The following NOD1 variants were observed in gnomAD, a reference collection of about 807,000 sequenced individuals.
NOD1 encodes the protein nucleotide binding oligomerization domain containing 1.
NOD1 carries 70 observed loss-of-function variants against 81.2 expected under a neutral mutation model. The observed-to-expected ratio is 0.86, with a 90% CI of 0.71 to 1.05. The LOEUF (loss-of-function observed/expected upper bound fraction) is 1.05. Among genes scored for constraint, NOD1 ranks in the 50% least tolerant of loss-of-function variants. The probability of loss-of-function intolerance (pLI) is 0.00; values close to 1 mark genes in which losing one functional copy is unlikely to be tolerated. For synonymous variants in NOD1, 508 were observed against 526.9 expected (o/e 0.96, Z 0.49); for missense variants, 1,233 against 1,228.0 (o/e 1.00, Z -0.06).
intron 9 of NOD1, 37 bp from the exon 10 acceptor site, chr7:30,437,693 C>T: frequency 7.0e-7 from 1 of 1,423,632 alleles, no homozygotes; most frequent in African/African-American, 1.5e-5. Flanking sequence ...GTTAGCTCCC[C>T]AAGAAACAGC....
intron 13 of NOD1, chr7:30,428,715 A>C (rs1250693881): frequency 6.6e-6 from 1 of 152,024 alleles, no homozygotes; most frequent in East Asian, 1.9e-4. Flanking sequence ...TCATGAAAGG[A>C]GGACATAGTT....
rs562772780 is a variant in NOD1 at position 30,437,658 on chromosome 7, T to TGAGGGAGGAGACAAGATAGTGAATG, written c.2454-27_2454-3dup. ...TCCCCAACTTGATTGCCCCACATCC[T>TGAGGGAGGAGACAAGATAGTGAATG]GAGGGAGGAGACAAGATAGTGAATG... On this transcript the variant is annotated splice_polypyrimidine_tract_variant and splice_region_variant and intron_variant, in intron 9 of 13. Transcript: ENST00000222823. 6.8e-5 allele frequency: 103 copies of TGAGGGAGGAGACAAGATAGTGAATG among 1,513,082 alleles called. No homozygotes were observed. In the Admixed American group the frequency reaches 9.6e-4, roughly 14 times the overall value. 93.7% of individuals were successfully genotyped at this position (1,513,082 alleles called of 1,614,324 possible).
chr7:30,424,846 CCAGA>C lies in NOD1; in HGVS notation c.*788_*791del, dbSNP rs1325486114. ...GGGACAGAATCACTTCTTCCCAAGG[CCAGA>C]CACTGTAGCCCATGGTACTCAGCCT... is the stretch of plus-strand genomic sequence containing the variant. On this transcript the variant is annotated 3_prime_UTR_variant, in exon 14 of 14. Transcript: ENST00000222823. 1 of 152,200 alleles carries C rather than the reference CCAGA, an allele frequency of 6.6e-6. No homozygotes were observed. Among genetic ancestry groups the C allele is most frequent in the African/African-American group, 2.4e-5 (1 of 41,422 alleles). 9.4% of individuals were successfully genotyped at this position (152,200 alleles called of 1,614,324 possible).
chr7:30,447,303 A>C, intron 7 of NOD1: 1 of 531,020 alleles, frequency 1.9e-6, no homozygotes, highest in East Asian at 3.7e-5. Flanking sequence ...TGTAATACAG[A>C]GGTAATGATG....
At chr7:30,477,738 C>G (rs1788937894) in intron 1 of NOD1, among the ~76,000 whole-genome samples, 1 of 148,178 alleles carries the variant, frequency 6.7e-6, no homozygotes, top group African/African-American at 2.5e-5. Flanking sequence ...CCAGGCTGGT[C>G]TCGAACTCTC....
intron 13 of NOD1, among the ~76,000 whole-genome samples, chr7:30,426,343 T>C (rs1014879915): frequency 2.0e-5 from 3 of 151,840 alleles, no homozygotes; most frequent in African/African-American, 7.3e-5. Context: ...GTTAGTAACC[T>C]GGGGGTCAAC....
intron 1 of NOD1, among the ~76,000 whole-genome samples, chr7:30,466,767 A>T (rs982243013): frequency 1.3e-5 from 2 of 152,234 alleles, no homozygotes; most frequent in African/African-American, 4.8e-5. Context: ...TTCAGATACT[A>T]TAACTATTTA....
chr7:30,478,475 C>T lies in NOD1; in HGVS notation c.-352+131G>A, dbSNP rs946546624. The T allele has an allele frequency of 6.6e-6, 1 of 152,372 alleles. No individual in the cohort carries two copies. Among genetic ancestry groups the T allele is most frequent in the African/African-American group, 2.4e-5 (1 of 41,454 alleles). The allele number at this position is 152,372 out of a possible 1,614,324, so 9.4% of individuals were successfully genotyped here. The stretch of plus-strand genomic sequence containing the variant: ...CGCGGGTTTCTCCGCTTGGTTCCAC[C>T]CAGAGCTCCTCCAGAGCCGCGCTGC... On this transcript the variant is annotated intron_variant, in intron 1 of 13. Transcript: ENST00000222823. The surrounding 1 kb of genome is among the most constrained non-coding windows in gnomAD (Gnocchi z 4.1).
intron 13 of NOD1, among the ~76,000 whole-genome samples, chr7:30,426,783 C>A (rs1275192539): frequency 6.6e-6 from 1 of 152,102 alleles, no homozygotes; most frequent in East Asian, 1.9e-4. Context: ...GCAGTTCTTC[C>A]AGGACACCAC....
At chr7:30,455,889 A>T (rs1414301315) in intron 4 of NOD1, among the ~76,000 whole-genome samples, 2 of 152,212 alleles carry the variant, frequency 1.3e-5, no homozygotes, top group Non-Finnish European at 1.5e-5. Context: ...GGCGTGAGCC[A>T]CGGTGCCCAG....
In NOD1 at chr7:30,463,030, G is replaced by A. The variant is rs151114173; in HGVS notation, c.-351-2989C>T. On this transcript the variant is annotated intron_variant, in intron 1 of 13. Transcript: ENST00000222823. ...CAGATCAATGGTTTCCTGAGGCAGG[G>A]GGCAGATGGGAGTGGGGGAGAAATT... is the stretch of plus-strand genomic sequence containing the variant. Among the ~76,000 whole-genome samples, 14 of 151,908 alleles carry A rather than the reference G, an allele frequency of 9.2e-5. No homozygotes were observed. In the East Asian group the frequency reaches 1.9e-3, roughly 21 times the overall value.
At chr7:30,431,108 G>A (rs1039290283) in intron 12 of NOD1, among the ~76,000 whole-genome samples, 7 of 152,176 alleles carry the variant, frequency 4.6e-5, no homozygotes, top group African/African-American at 1.2e-4. Context: ...CCACCCACTC[G>A]GGCTGCCTTC....
At position 30,459,212 on chromosome 7, in the gene NOD1, A is replaced by G. The variant is rs1489133463; in HGVS notation, c.-182T>C. On this transcript the variant is annotated 5_prime_UTR_variant, in exon 3 of 14. Coordinates refer to ENST00000222823, the MANE Select transcript of NOD1 (RefSeq NM_006092.4). ...AATATTTTAAAACAACATTGTTTAA[A>G]TCTTCAATTTCCAATTTATTTCTGG... 1 of 152,670 alleles carries G rather than the reference A, an allele frequency of 6.6e-6. No individual in the cohort carries two copies. The highest frequency in any genetic ancestry group is 2.4e-5 in the African/African-American group (1 of 41,458). The allele number at this position is 152,670 out of a possible 1,614,324, so 9.5% of individuals were successfully genotyped here.
chr7:30,451,750 G>T lies in NOD1; in HGVS notation c.1667C>A (p.Thr556Lys), dbSNP rs771122098. The T allele has an allele frequency of 1.2e-6, 2 of 1,613,690 alleles. No individual in the cohort carries two copies. Among genetic ancestry groups the T allele is most frequent in the Non-Finnish European group, 1.7e-6 (2 of 1,180,032 alleles). Residue 556 changes from threonine to lysine, a missense_variant, in exon 6 of 14, where the codon ACG becomes AAG. Coordinates refer to ENST00000222823, the MANE Select transcript of NOD1 (RefSeq NM_006092.4). This position sits in a 1 kb window ranked among gnomAD's most constrained non-coding sequence, Gnocchi z 4.2. Reference sequence around the variant, plus strand: ...CGGGAGGAAGGGAGGATAGCAGGACGTGGTCGCTGCCCCCGCAGGGGGCAT... The same window carrying T: ...CGGGAGGAAGGGAGGATAGCAGGACTTGGTCGCTGCCCCCGCAGGGGGCAT... ...EWMPPAGAAT[T>K]SCYPPFLPFQ...
intron 2 of NOD1, among the ~76,000 whole-genome samples, 184 bp from the exon 3 acceptor site, chr7:30,459,424 G>T (rs1345615374): frequency 6.6e-6 from 1 of 151,960 alleles, no homozygotes; most frequent in Non-Finnish European, 1.5e-5. Context: ...CTTTTTTGTT[G>T]TTCTTGCCAT....
In NOD1 at chr7:30,438,811, C is replaced by A. The variant is rs183994041; in HGVS notation, c.2454-1155G>T. ...ACTATAGTATAGATACATATAGTCT[C>A]ACCCCTACTATATTTTTTAAAAGTT... On this transcript the variant is annotated intron_variant, in intron 9 of 13. Transcript: ENST00000222823. 1.3e-3 allele frequency among the ~76,000 whole-genome samples: 203 copies of A among 152,328 alleles called. 1 individual carries two copies. The highest frequency in any genetic ancestry group is 4.5e-3 in the African/African-American group (188 of 41,580).
At chr7:30,435,917 C>G in intron 11 of NOD1, 81 bp downstream of exon 11, 1 of 1,154,972 alleles carries the variant, frequency 8.7e-7, no homozygotes, top group Admixed American at 1.8e-5. Flanking sequence ...GAGATCACAC[C>G]AATGCACTCA....
chr7:30,436,487 A>G (rs1784388608), intron 10 of NOD1, among the ~76,000 whole-genome samples: 1 of 152,150 alleles, frequency 6.6e-6, no homozygotes, highest in African/African-American at 2.4e-5. Flanking sequence ...ACTCTTTTTC[A>G]GTGGTAGGAA....
chr7:30,427,020 G>A (rs989141894), intron 13 of NOD1, among the ~76,000 whole-genome samples: 1 of 151,990 alleles, frequency 6.6e-6, no homozygotes, highest in East Asian at 1.9e-4. Context: ...TTTCTTTAAT[G>A]TGCTTCTCCC....
Sources: gnomAD v4.1 joint callset for allele counts (sites outside exome capture counted in the v4.1 genomes callset) on GRCh38, gnomAD v4.1.1 for gene constraint, Gnocchi (gnomAD v3.1) non-coding constraint, MANE v1.5 for transcripts, NCBI Gene and HGNC (gene_info 2026-07-23, HGNC 2026-07-21) for gene names.